Variants in DSP observed in about 807,000 individuals in gnomAD.
DSP encodes desmoplakin.
Under a neutral mutation model 290.6 loss-of-function variants are expected in DSP, and 114 were observed. The ratio of observed to expected loss-of-function variants is 0.39; its 90% CI spans 0.34 to 0.46. The LOEUF (loss-of-function observed/expected upper bound fraction) is 0.46. Ranked by LOEUF, DSP falls within the 20% of genes least tolerant of loss-of-function variation. The pLI, the probability that DSP is intolerant of heterozygous loss-of-function variation, is 0.99. For missense variants in DSP, 3,230 were observed against 3,495.8 expected, an observed-to-expected ratio of 0.92 and a Z score of 1.92; for synonymous variants, 1,311 against 1,316.4, an observed-to-expected ratio of 1.00 and a Z score of 0.09.
chr6:7,558,613 C>G (rs1033105393), intron 3 of DSP, among the ~76,000 whole-genome samples: 1 of 150,572 alleles, frequency 6.6e-6, no homozygotes, highest in Non-Finnish European at 1.5e-5. Context: ...CTCCTGGGCT[C>G]AAGCAATCCT....
chr6:7,552,401 CA>C (rs35879281), intron 1 of DSP, among the ~76,000 whole-genome samples: 1,661 of 142,580 alleles, frequency 0.012, 31 homozygotes, highest in African/African-American at 0.037. Flanking sequence ...ATTAAAAATA[CA>C]AAAAAAAAAA....
At chr6:7,575,636 C>A in intron 18 of DSP, 148 bp downstream of exon 18, 2 of 956,550 alleles carry the variant, frequency 2.1e-6, no homozygotes, top group Non-Finnish European at 3.2e-6. Context: ...CATGGACTGC[C>A]TGTATGCAGC....
At position 7,542,722 on chromosome 6, in the gene DSP, G is replaced by T. The variant is rs535945674; in HGVS notation, c.170+637G>T. ...CGGGAAACGAAACTTCCCCGCCGGGGCGGCTGCCGGGCCCGGGTCTCGAAG... is the reference window on the plus strand; with the variant it reads ...CGGGAAACGAAACTTCCCCGCCGGGTCGGCTGCCGGGCCCGGGTCTCGAAG... On this transcript the variant is annotated intron_variant, in intron 1 of 23. Coordinates refer to ENST00000379802, the MANE Select transcript of DSP (RefSeq NM_004415.4). Among the ~76,000 whole-genome samples the T allele has an allele frequency of 2.7e-3, 404 of 152,346 alleles. 1 individual carries two copies. The highest frequency in any genetic ancestry group is 9.3e-3 in the African/African-American group (387 of 41,582).
Position 7,565,580 on chromosome 6 carries a change from G to A in DSP, c.939+60G>A, listed in dbSNP as rs150408814. 4.4e-6 allele frequency: 7 copies of A among 1,597,654 alleles called. No individual in the cohort carries two copies. Among genetic ancestry groups the A allele is most frequent in the African/African-American group, 2.7e-5 (2 of 74,692 alleles). Reference sequence around the variant, plus strand: ...TTGAGCCTGTTGCCTTGAAGAGCTGGGGTCTCGGGGAATGATTGGTCTATT... The same window carrying A: ...TTGAGCCTGTTGCCTTGAAGAGCTGAGGTCTCGGGGAATGATTGGTCTATT... On this transcript the variant is annotated intron_variant, in intron 7 of 23. Coordinates refer to ENST00000379802, the MANE Select transcript of DSP (RefSeq NM_004415.4). This position sits in a 1 kb window ranked among gnomAD's most constrained non-coding sequence, Gnocchi z 4.2.
rs1759067201 is a variant in DSP at position 7,571,923 on chromosome 6, A to G, written c.1985A>G (p.Asp662Gly). 1 of 1,614,176 alleles carries G rather than the reference A, an allele frequency of 6.2e-7. No individual in the cohort carries two copies. Among genetic ancestry groups the G allele is most frequent in the Non-Finnish European group, 8.5e-7 (1 of 1,180,042 alleles). Residue 662 changes from aspartate to glycine, a missense_variant, in exon 15 of 24, where the codon GAC (aspartate) becomes GGC (glycine). Asp to Gly is a moderately conservative substitution (Grantham distance 94). Around this residue, in one of 5 missense-constraint regions of DSP, gnomAD observed 1,714 missense variants for 1,844.5 expected, o/e 0.93. Coordinates refer to ENST00000379802, the MANE Select transcript of DSP (RefSeq NM_004415.4). The stretch of plus-strand genomic sequence containing the variant: ...GTAATTGAAACCAACAGAGAAAATG[A>G]CAAGCAAGAAACATGGATGCTGATG... Reference protein sequence around the residue: ...NKVIETNRENDKQETWMLMEL... With the variant: ...NKVIETNRENGKQETWMLMEL...
At chr6:7,561,194 C>T (rs866656709) in intron 4 of DSP, among the ~76,000 whole-genome samples, 10 of 152,094 alleles carry the variant, frequency 6.6e-5, no homozygotes, top group African/African-American at 2.4e-4. Context: ...CCTTGTGATC[C>T]GCCCGCCTTG....
chr6:7,571,134 G>T (rs1295203358), intron 13 of DSP, among the ~76,000 whole-genome samples: 1 of 150,978 alleles, frequency 6.6e-6, no homozygotes, highest in East Asian at 1.9e-4. Flanking sequence ...TTACATTTAG[G>T]GCTTCTGAAT....
In DSP at chr6:7,580,731, T is replaced by C. The variant is rs1173680775; in HGVS notation, c.4541T>C (p.Leu1514Pro). 2 of 1,614,030 alleles carry C rather than the reference T, an allele frequency of 1.2e-6. No individual in the cohort carries two copies. Among genetic ancestry groups the C allele is most frequent in the Non-Finnish European group, 1.7e-6 (2 of 1,179,960 alleles). ...NARLQRVQYD[L>P]QKANSSATET... ...AGATTACAAAGGGTCCAGTATGACCTGCAGAAAGCAAACAGTAGTGCGACG... is the reference window on the plus strand; with the variant it reads ...AGATTACAAAGGGTCCAGTATGACCCGCAGAAAGCAAACAGTAGTGCGACG... Residue 1514 changes from leucine (L) to proline (P), a missense_variant, in exon 23 of 24, where the codon CTG becomes CCG. Physicochemically the swap from Leu to Pro is moderately conservative, Grantham distance 98. Coordinates refer to ENST00000379802, the MANE Select transcript of DSP (RefSeq NM_004415.4). This position sits in a 1 kb window ranked among gnomAD's most constrained non-coding sequence, Gnocchi z 4.2.
Position 7,568,328 on chromosome 6 carries a change from A to C in DSP, c.1267-109A>C. ...TTTGTGATTTTTTACAATTGATGCAACTGCAGTGATACTCAGTGTGTCATG... is the reference window on the plus strand; with the variant it reads ...TTTGTGATTTTTTACAATTGATGCACCTGCAGTGATACTCAGTGTGTCATG... On this transcript the variant is annotated intron_variant, in intron 10 of 23. Transcript: ENST00000379802. 8 of 1,229,462 alleles carry C rather than the reference A, an allele frequency of 6.5e-6. No homozygotes were observed. The East Asian group carries it at 1.9e-4, about 29-fold the overall frequency. The allele number at this position is 1,229,462 out of a possible 1,614,324, so 76.2% of individuals were successfully genotyped here.
intron 4 of DSP, among the ~76,000 whole-genome samples, chr6:7,562,193 A>G (rs994502457): frequency 6.6e-6 from 1 of 152,152 alleles, no homozygotes; most frequent in Non-Finnish European, 1.5e-5. Context: ...GAAATAAACA[A>G]TGAAAGATGC....
intron 1 of DSP, among the ~76,000 whole-genome samples, chr6:7,542,955 G>C (rs1395211480): frequency 6.6e-6 from 1 of 152,176 alleles, no homozygotes; most frequent in Non-Finnish European, 1.5e-5. Flanking sequence ...GGGTGGGAGA[G>C]GACGACGCTG....
rs904467199 is a variant in DSP, at chr6:7,569,231, G to A, written c.1465G>A (p.Glu489Lys). ...TGAGTGTATCCTGAAGGACAACAAC[G>A]AGCGCAGCAAGTGGTACGTGACGGG... is the stretch of plus-strand genomic sequence containing the variant. Reference protein sequence around the residue: ...GDECILKDNNERSKWYVTGPG... With the variant: ...GDECILKDNNKRSKWYVTGPG... Residue 489 changes from glutamate to lysine, a missense_variant, in exon 12 of 24, where the codon GAG becomes AAG. Transcript: ENST00000379802. 3.7e-6 allele frequency: 6 copies of A among 1,614,032 alleles called. No homozygotes were observed. Among genetic ancestry groups the A allele is most frequent in the Admixed American group, 1.7e-5 (1 of 60,008 alleles).
intron 4 of DSP, among the ~76,000 whole-genome samples, chr6:7,560,241 T>C (rs1758638040): frequency 6.6e-6 from 1 of 152,256 alleles, no homozygotes; most frequent in Non-Finnish European, 1.5e-5. Flanking sequence ...CTTGGTTTGA[T>C]TAGTTGTTAG....
intron 16 of DSP, 40 bp downstream of exon 16, chr6:7,574,292 C>G: frequency 3.1e-6 from 5 of 1,599,414 alleles, no homozygotes; most frequent in Non-Finnish European, 4.3e-6. Context: ...TTCCTTTTCT[C>G]AAGCTTCTTT....
chr6:7,564,858 T>G (rs992495769), intron 6 of DSP, among the ~76,000 whole-genome samples: 1 of 151,962 alleles, frequency 6.6e-6, no homozygotes, highest in Non-Finnish European at 1.5e-5. Context: ...ATAAAAAAAA[T>G]TTAAGGCCAG....
rs968851212 is a variant in DSP at position 7,582,569 on chromosome 6, A to G, written c.5380-73A>G. On this transcript the variant is annotated intron_variant, in intron 23 of 23. Transcript: ENST00000379802. The surrounding 1 kb of genome is among the most constrained non-coding windows in gnomAD (Gnocchi z 4.2). ...TTTTAAAGATAGATACACAAAAGAA[A>G]GTTAAGTCGTGATAGTAATATGATA... is the stretch of plus-strand genomic sequence containing the variant. 13 of 1,317,854 alleles carry G rather than the reference A, an allele frequency of 9.9e-6. No homozygotes were observed. Among genetic ancestry groups the G allele is most frequent in the Non-Finnish European group, 1.4e-5 (13 of 926,708 alleles). 81.6% of individuals were successfully genotyped at this position (1,317,854 alleles called of 1,614,324 possible). A position where few individuals can be genotyped will look rare whatever the true frequency, so the allele number is the denominator to read the frequency against.
At position 7,583,102 on chromosome 6, in the gene DSP, A is replaced by G. The variant is rs1226340631; in HGVS notation, c.5840A>G (p.Tyr1947Cys). ...ATTGATAAACTCAGACAGCGCCCAT[A>G]TGGGTCCCATCGAGAGACCCAGACT... is the stretch of plus-strand genomic sequence containing the variant. ...REIDKLRQRP[Y>C]GSHRETQTEC... is the part of the protein sequence containing the mutation. The change falls in exon 24 of 24, where the codon TAT becomes TGT. Residue 1947 changes from tyrosine to cysteine, a missense_variant. Physicochemically the swap from Tyr to Cys is radical, Grantham distance 194 (BLOSUM62 -2). Around this residue, in one of 5 missense-constraint regions of DSP, gnomAD observed 1,714 missense variants for 1,844.5 expected, o/e 0.93. Transcript: ENST00000379802. This position sits in a 1 kb window ranked among gnomAD's most constrained non-coding sequence, Gnocchi z 4.0. 3.1e-6 allele frequency: 5 copies of G among 1,614,092 alleles called. No individual in the cohort carries two copies. Among genetic ancestry groups the G allele is most frequent in the Admixed American group, 3.3e-5 (2 of 60,026 alleles).
intron 1 of DSP, among the ~76,000 whole-genome samples, chr6:7,548,056 C>A (rs1482327028): frequency 6.6e-6 from 1 of 152,086 alleles, no homozygotes; most frequent in African/African-American, 2.4e-5. Flanking sequence ...ATCACAAGGT[C>A]AGGAGTTCCA....
At chr6:7,581,619 C>T (rs1759443940) in intron 23 of DSP, 50 bp downstream of exon 23, 1 of 1,604,966 alleles carries the variant, frequency 6.2e-7, no homozygotes, top group Non-Finnish European at 8.5e-7. Flanking sequence ...AATTATTCAT[C>T]ACATTATTAT....
Sources: gnomAD v4.1 joint callset for allele counts (sites outside exome capture counted in the v4.1 genomes callset) on GRCh38, gnomAD v4.1.1 for gene constraint, gnomAD v4.1.1 regional missense constraint, Gnocchi (gnomAD v3.1) non-coding constraint, MANE v1.5 for transcripts, NCBI Gene and HGNC (gene_info 2026-07-23, HGNC 2026-07-21) for gene names.